TRPC6: variants seen among roughly 807,000 people sequenced by gnomAD.
TRPC6 encodes short transient receptor potential channel 6.
A neutral mutation model predicts 90.7 loss-of-function variants in TRPC6; 55 were observed. The observed-to-expected ratio is 0.61, with a 90% CI of 0.49 to 0.76. The LOEUF (loss-of-function observed/expected upper bound fraction) is 0.76. Among genes scored for constraint, TRPC6 ranks in the 30% least tolerant of loss-of-function variants. The probability of loss-of-function intolerance (pLI) is 0.00; values close to 1 mark genes in which losing one functional copy is unlikely to be tolerated. For missense variants in TRPC6, 989 were observed against 1,122.7 expected (o/e 0.88, Z 1.70); for synonymous variants, 393 against 393.0 (o/e 1.00, Z 0.00).
intron 10 of TRPC6, among the ~76,000 whole-genome samples, chr11:101,457,971 T>A (rs1858923496): frequency 6.6e-6 from 1 of 152,158 alleles, no homozygotes; most frequent in Admixed American, 6.5e-5. Context: ...TCATGATAAA[T>A]CCATTGTAAG....
intron 10 of TRPC6, among the ~76,000 whole-genome samples, chr11:101,468,594 C>T (rs766315598): frequency 1.2e-4 from 18 of 152,166 alleles, no homozygotes; most frequent in Admixed American, 7.2e-4. Flanking sequence ...TTTGCCCTTA[C>T]TCCTACATGC....
intron 1 of TRPC6, among the ~76,000 whole-genome samples, chr11:101,573,867 GA>G (rs984102628): frequency 6.6e-6 from 1 of 151,040 alleles, no homozygotes; most frequent in African/African-American, 2.4e-5. Context: ...GGCATGGTTT[GA>G]AAAAAATCCT....
chr11:101,503,765 C>A (rs1860187237), intron 2 of TRPC6, among the ~76,000 whole-genome samples: 1 of 152,078 alleles, frequency 6.6e-6, no homozygotes, highest in Middle Eastern at 3.2e-3. Flanking sequence ...TAGACAGGAA[C>A]TAATAATAGC....
chr11:101,542,838 A>G (rs937683252), intron 1 of TRPC6, among the ~76,000 whole-genome samples: 1 of 152,220 alleles, frequency 6.6e-6, no homozygotes, highest in African/African-American at 2.4e-5. Context: ...ATAAGAGGAA[A>G]AACCTTAAGA....
chr11:101,478,568 T>G (rs1859469156), intron 5 of TRPC6, among the ~76,000 whole-genome samples: 2 of 152,124 alleles, frequency 1.3e-5, no homozygotes, highest in Admixed American at 1.3e-4. Flanking sequence ...GCTTAAAAAC[T>G]AAAACAAGTG....
intron 5 of TRPC6, among the ~76,000 whole-genome samples, chr11:101,477,685 C>T (rs1859447221): frequency 1.3e-5 from 2 of 152,146 alleles, no homozygotes; most frequent in Admixed American, 1.3e-4. Flanking sequence ...CTATCTAAAA[C>T]TCAGTTTGTA....
At chr11:101,471,062 C>T in intron 9 of TRPC6, 121 bp downstream of exon 9, 2 of 910,902 alleles carry the variant, frequency 2.2e-6, no homozygotes, top group Admixed American at 3.9e-5. Context: ...TGTGAAGTGA[C>T]TGCATATGGG....
At chr11:101,534,712 G>A (rs1457550312) in intron 1 of TRPC6, among the ~76,000 whole-genome samples, 1 of 152,116 alleles carries the variant, frequency 6.6e-6, no homozygotes, top group Non-Finnish European at 1.5e-5. Flanking sequence ...TTTAGCAAGA[G>A]ATGGTTCACA....
At chr11:101,504,906 T>C in intron 1 of TRPC6, 108 bp from the exon 2 acceptor site, 1 of 1,274,490 alleles carries the variant, frequency 7.8e-7, no homozygotes, top group Non-Finnish European at 1.1e-6. Flanking sequence ...AGATGTTGTC[T>C]CATCATCTCT....
intron 1 of TRPC6, among the ~76,000 whole-genome samples, chr11:101,525,979 A>T (rs536248996): frequency 7.9e-5 from 12 of 152,186 alleles, no homozygotes; most frequent in African/African-American, 2.9e-4. Flanking sequence ...TTTCTTTGGG[A>T]TCCACAGTCC....
intron 1 of TRPC6, among the ~76,000 whole-genome samples, chr11:101,568,023 C>A (rs1049564330): frequency 6.6e-6 from 1 of 152,034 alleles, no homozygotes; most frequent in East Asian, 1.9e-4. Context: ...ATGAGTTTGA[C>A]GAACTGACAG....
intron 1 of TRPC6, among the ~76,000 whole-genome samples, chr11:101,540,509 G>T (rs1444135537): frequency 3.9e-5 from 6 of 152,194 alleles, no homozygotes; most frequent in Non-Finnish European, 7.3e-5. Flanking sequence ...CACGCTTGGA[G>T]TCTATGGAAT....
chr11:101,526,052 C>T (rs189979581), intron 1 of TRPC6, among the ~76,000 whole-genome samples: 2 of 152,328 alleles, frequency 1.3e-5, no homozygotes, highest in East Asian at 1.9e-4. Context: ...CACGGTAAAA[C>T]AGATTCCAAG....
chr11:101,491,489 C>T, intron 3 of TRPC6, 67 bp downstream of exon 3: 1 of 1,578,502 alleles, frequency 6.3e-7, no homozygotes, highest in South Asian at 1.1e-5. Flanking sequence ...ACAATATCAA[C>T]CCTTTATCCT....
chr11:101,478,760 C>T, intron 5 of TRPC6, among the ~76,000 whole-genome samples: 1 of 152,160 alleles, frequency 6.6e-6, no homozygotes, highest in East Asian at 1.9e-4. Context: ...CTGAAGGCTG[C>T]TCATTCCACT....
rs114611254 is a variant in TRPC6, at chr11:101,578,105, G to C, written c.170+5229C>G. On this transcript the variant is annotated intron_variant, in intron 1 of 12. Transcript: ENST00000344327. ...TTAAATGGTACCTTCTCTCTGCTAG[G>C]CACTGTGTTAAGATAGGGGGATGAA... Among the ~76,000 whole-genome samples, 1,131 of 152,270 alleles carry C rather than the reference G, an allele frequency of 7.4e-3. 18 individuals are homozygous for C. The highest frequency in any genetic ancestry group is 0.025 in the African/African-American group (1,030 of 41,552).
At chr11:101,492,854 G>A (rs10160655) in intron 2 of TRPC6, among the ~76,000 whole-genome samples, 62,747 of 151,980 alleles carry the variant, frequency 0.41, 13,676 homozygotes, top group African/African-American at 0.56. Context: ...ACTTTATATG[G>A]CAGGCACAGG....
At chr11:101,534,853 A>T (rs978929180) in intron 1 of TRPC6, among the ~76,000 whole-genome samples, 4 of 152,128 alleles carry the variant, frequency 2.6e-5, no homozygotes, top group African/African-American at 7.2e-5. Flanking sequence ...AACCTGCAAG[A>T]TTTATATGAG....
chr11:101,473,672 C>T lies in TRPC6; in HGVS notation c.1846G>A (p.Ala616Thr). The T allele has an allele frequency of 6.2e-7, 1 of 1,613,710 alleles. No individual in the cohort carries two copies. The highest frequency in any genetic ancestry group is 8.5e-7 in the Non-Finnish European group (1 of 1,179,772). The change falls in exon 7 of 13, where the codon GCA (alanine) becomes ACA (threonine). Residue 616 changes from alanine to threonine, a missense_variant. Ala to Thr is a moderately conservative substitution (Grantham distance 58). This residue lies in a region of TRPC6 where 118 missense variants were observed against 197.6 expected (regional missense o/e 0.60). Transcript: ENST00000344327. Reference protein sequence around the residue: ...SFSRIAYILPANESFGPLQIS... With the variant: ...SFSRIAYILPTNESFGPLQIS... ...TGCAGAGGTCCAAAGCTTTCATTTG[C>T]TGGTAAAATATAAGCTATCCTAGAG...
Sources: gnomAD v4.1 joint callset for allele counts (sites outside exome capture counted in the v4.1 genomes callset) on GRCh38, gnomAD v4.1.1 for gene constraint, gnomAD v4.1.1 regional missense constraint, MANE v1.5 for transcripts, NCBI Gene and HGNC (gene_info 2026-07-23, HGNC 2026-07-21) for gene names.